PIK3R3: variants seen among roughly 807,000 people sequenced by gnomAD.
PIK3R3 encodes phosphatidylinositol 3-kinase regulatory subunit gamma.
A neutral mutation model predicts 62.9 loss-of-function variants in PIK3R3; 64 were observed. The ratio of observed to expected loss-of-function variants is 1.02; its 90% CI spans 0.83 to 1.25. PIK3R3 has a LOEUF of 1.25. PIK3R3 is among the 50% of genes most tolerant of loss of function. PIK3R3 has a pLI of 0.00. For missense variants in PIK3R3, 614 were observed against 561.6 expected, an observed-to-expected ratio of 1.09 and a Z score of -0.94; for synonymous variants, 165 against 189.0, an observed-to-expected ratio of 0.87 and a Z score of 1.04.
At chr1:46,119,920 AG>A (rs1420224169) in intron 1 of PIK3R3, among the ~76,000 whole-genome samples, 2 of 151,910 alleles carry the variant, frequency 1.3e-5, no homozygotes, top group African/African-American at 4.8e-5. Flanking sequence ...TGGGACTATA[AG>A]AATGCACCAC....
chr1:46,119,739 GA>G (rs1654496612), intron 1 of PIK3R3, among the ~76,000 whole-genome samples: 1 of 150,724 alleles, frequency 6.6e-6, no homozygotes, highest in Admixed American at 6.6e-5. Flanking sequence ...AAGTAGCTGA[GA>G]CTACAGGTAT....
chr1:46,043,152 T>A lies in PIK3R3; in HGVS notation c.*521A>T. On this transcript the variant is annotated 3_prime_UTR_variant, in exon 10 of 10. Coordinates refer to ENST00000262741, the MANE Select transcript of PIK3R3 (RefSeq NM_003629.4). ...CTTGGCTTAGATTATTTAAATGAAATCCCAAGCCTCCCCATTTTCCTTTGG... is the reference window on the plus strand; with the variant it reads ...CTTGGCTTAGATTATTTAAATGAAAACCCAAGCCTCCCCATTTTCCTTTGG... 1 of 231,266 alleles carries A rather than the reference T, an allele frequency of 4.3e-6. No individual in the cohort carries two copies. The highest frequency in any genetic ancestry group is 8.6e-6 in the Non-Finnish European group (1 of 116,630). The allele number at this position is 231,266 out of a possible 1,614,324, so 14.3% of individuals were successfully genotyped here. A position where few individuals can be genotyped will look rare whatever the true frequency, so the allele number is the denominator to read the frequency against.
At chr1:46,157,675 A>G in the PIK3R3 span, among the ~76,000 whole-genome samples, 2 of 152,314 alleles carry the variant, frequency 1.3e-5, no homozygotes, top group Admixed American at 1.3e-4. Flanking sequence ...TGAAGGAGGA[A>G]AGCTTAGAGT....
At chr1:46,050,551 G>C (rs1647267638) in intron 7 of PIK3R3, among the ~76,000 whole-genome samples, 1 of 152,150 alleles carries the variant, frequency 6.6e-6, no homozygotes, top group African/African-American at 2.4e-5. Flanking sequence ...GGCAACAAGA[G>C]CGAAAATCTG....
At chr1:46,174,541 C>T in the PIK3R3 span, among the ~76,000 whole-genome samples, 1 of 152,168 alleles carries the variant, frequency 6.6e-6, no homozygotes, top group Non-Finnish European at 1.5e-5. Context: ...CCTTCCCTAG[C>T]CCCTTGGGAA....
At chr1:46,107,710 T>C (rs940144341) in intron 1 of PIK3R3, among the ~76,000 whole-genome samples, 4 of 152,230 alleles carry the variant, frequency 2.6e-5, no homozygotes, top group Admixed American at 2.0e-4. Context: ...CATCTTTCTT[T>C]TGAACTTCTC....
intron 1 of PIK3R3, among the ~76,000 whole-genome samples, chr1:46,084,985 T>C (rs1009178482): frequency 7.2e-5 from 11 of 152,242 alleles, no homozygotes; most frequent in East Asian, 3.9e-4. Flanking sequence ...GAGCTCTATA[T>C]TGAGATGAGT....
intron 1 of PIK3R3, among the ~76,000 whole-genome samples, chr1:46,104,312 T>G (rs1652984805): frequency 6.6e-6 from 1 of 152,238 alleles, no homozygotes; most frequent in South Asian, 2.1e-4. Flanking sequence ...AAATCACTAA[T>G]TAAATTTCTT....
At chr1:46,173,927 G>A in the PIK3R3 span, among the ~76,000 whole-genome samples, 10 of 152,108 alleles carry the variant, frequency 6.6e-5, no homozygotes, top group Non-Finnish European at 1.5e-5. Context: ...CAGGGCCGCA[G>A]GGGCAGGGAA....
chr1:46,171,612 G>A, the PIK3R3 span, among the ~76,000 whole-genome samples: 5 of 152,190 alleles, frequency 3.3e-5, no homozygotes, highest in African/African-American at 7.2e-5. Context: ...AGTGACAAGC[G>A]ACCTCCAGCC....
intron 1 of PIK3R3, among the ~76,000 whole-genome samples, chr1:46,129,867 A>G (rs373780994): frequency 3.9e-5 from 6 of 152,348 alleles, no homozygotes; most frequent in African/African-American, 1.4e-4. Context: ...AAAGAACAGC[A>G]TATGTATTTT....
rs374775326 is a variant in PIK3R3, at chr1:46,043,630, T to C, written c.*43A>G. 1.3e-4 allele frequency: 200 copies of C among 1,536,382 alleles called. No homozygotes were observed. Among genetic ancestry groups the C allele is most frequent in the Non-Finnish European group, 1.6e-4 (179 of 1,110,160 alleles). ...CCTCATCGTAGTCTAATAAAAACTG[T>C]AGAAAAAAATGCCAGAGAACCACCT... On this transcript the variant is annotated 3_prime_UTR_variant, in exon 10 of 10. Transcript: ENST00000262741.
Position 46,066,157 on chromosome 1 carries a change from T to A in PIK3R3, c.518A>T (p.Asn173Ile). ...YQQDQLVKED[N>I]IDAVGKKLQE... ...CAGTTTTTTACCTACTGCATCAATA[T>A]TATCTTCTTTTACCAACTGATCCTA... The change falls in exon 5 of 10, where the codon AAT becomes ATT. Residue 173 changes from asparagine (N) to isoleucine (I), a missense_variant. Transcript: ENST00000262741. 6.3e-7 allele frequency: 1 copy of A among 1,577,072 alleles called. No homozygotes were observed. Among genetic ancestry groups the A allele is most frequent in the South Asian group, 1.1e-5 (1 of 90,266 alleles).
chr1:46,070,040 A>T (rs1285727150), intron 3 of PIK3R3, among the ~76,000 whole-genome samples: 1 of 152,260 alleles, frequency 6.6e-6, no homozygotes. Flanking sequence ...AGAAATGCCC[A>T]TAGACAAGTG....
intron 9 of PIK3R3, 126 bp from the exon 10 acceptor site, chr1:46,043,997 G>T: frequency 1.3e-6 from 1 of 784,148 alleles, no homozygotes; most frequent in Non-Finnish European, 2.0e-6. Flanking sequence ...GGCAAAGCTT[G>T]TGAAATTGCG....
At chr1:46,069,239 A>C (rs1649276420) in intron 3 of PIK3R3, among the ~76,000 whole-genome samples, 1 of 152,118 alleles carries the variant, frequency 6.6e-6, no homozygotes. Context: ...ATGTGTTTAG[A>C]CCAGGCACGG....
intron 1 of PIK3R3, among the ~76,000 whole-genome samples, chr1:46,088,590 G>C (rs1451151810): frequency 1.3e-5 from 2 of 152,002 alleles, no homozygotes; most frequent in Non-Finnish European, 2.9e-5. Context: ...AATCTCCCAG[G>C]AAGTGGAACA....
the PIK3R3 span, among the ~76,000 whole-genome samples, chr1:46,140,182 C>G: frequency 6.6e-6 from 1 of 152,120 alleles, no homozygotes; most frequent in African/African-American, 2.4e-5. Flanking sequence ...TTTGTAGAGA[C>G]AGGGTCTCCC....
At chr1:46,086,644 G>T (rs1651083241) in intron 1 of PIK3R3, among the ~76,000 whole-genome samples, 1 of 152,164 alleles carries the variant, frequency 6.6e-6, no homozygotes, top group Non-Finnish European at 1.5e-5. Flanking sequence ...AGGTTACAGT[G>T]AGCCGAGATC....
Sources: gnomAD v4.1 joint callset for allele counts (sites outside exome capture counted in the v4.1 genomes callset) on GRCh38, gnomAD v4.1.1 for gene constraint, MANE v1.5 for transcripts, NCBI Gene and HGNC (gene_info 2026-07-23, HGNC 2026-07-21) for gene names.